The following SNX32 variants were observed in gnomAD, a reference collection of about 807,000 sequenced individuals.
The protein encoded by SNX32 is sorting nexin 32.
In SNX32, 58 loss-of-function variants were observed where a neutral mutation model predicts 57.0. The ratio of observed to expected loss-of-function variants is 1.02; its 90% CI spans 0.82 to 1.27. The LOEUF (loss-of-function observed/expected upper bound fraction) is 1.27. SNX32 is among the 50% of genes most tolerant of loss of function. The pLI, the probability that SNX32 is intolerant of heterozygous loss-of-function variation, is 0.00. For synonymous variants in SNX32, 262 were observed against 220.4 expected (o/e 1.19, Z -1.67); for missense variants, 589 against 541.2 (o/e 1.09, Z -0.88).
At position 65,852,920 on chromosome 11, in the gene SNX32, C is replaced by G; in HGVS notation, c.1120C>G (p.Leu374Val). The change falls in exon 12 of 13, where the codon CTC (leucine) becomes GTC (valine). Residue 374 changes from leucine to valine, a missense_variant. By Grantham distance (32) the Leu-to-Val change is conservative (BLOSUM62 1). Transcript: ENST00000308342. ...SRRVSSFRKN[L>V]IELAELELKH... ...CCGGGTCTCCTCTTTTCGAAAGAAT[C>G]TCATTGAGCTGGCAGAGCTGGAGCT... 6.2e-7 allele frequency: 1 copy of G among 1,614,148 alleles called. No homozygotes were observed. The highest frequency in any genetic ancestry group is 8.5e-7 in the Non-Finnish European group (1 of 1,180,008).
At position 65,851,180 on chromosome 11, in the gene SNX32, TCCTGGATCCC is replaced by T; in HGVS notation, c.709+25_709+34del. The T allele has an allele frequency of 6.2e-7, 1 of 1,604,506 alleles. No homozygotes were observed. On this transcript the variant is annotated intron_variant, in intron 7 of 12. Coordinates refer to ENST00000308342, the MANE Select transcript of SNX32 (RefSeq NM_152760.3). The stretch of plus-strand genomic sequence containing the variant: ...ACAAGTGTACGCAGGGCCCAAGGGG[TCCTGGATCCC>T]CCTGCCCCTCTCCCCAGCGGTTCAA...
In SNX32 at chr11:65,852,531, C is replaced by A; in HGVS notation, c.892C>A (p.Arg298Ser). Residue 298 changes from arginine (R) to serine (S), a missense_variant, in exon 10 of 13, where the codon CGT (arginine) becomes AGT (serine). Arg to Ser is a moderately radical substitution (Grantham distance 110). Coordinates refer to ENST00000308342, the MANE Select transcript of SNX32 (RefSeq NM_152760.3). ...GTCAGACATGCTGAGGTACTACATGCGTGACTCACAGGCAGCCAAGGTGAG... is the reference window on the plus strand; with the variant it reads ...GTCAGACATGCTGAGGTACTACATGAGTGACTCACAGGCAGCCAAGGTGAG... ...KLSDMLRYYM[R>S]DSQAAKDLLY... 1 of 1,614,232 alleles carries A rather than the reference C, an allele frequency of 6.2e-7. No individual in the cohort carries two copies.
intron 1 of SNX32, among the ~76,000 whole-genome samples, chr11:65,843,477 G>C (rs1005434353): frequency 1.3e-5 from 2 of 151,886 alleles, no homozygotes; most frequent in Admixed American, 6.6e-5. Context: ...GCTGAGGCAG[G>C]AGAATCACGA....
At chr11:65,844,324 A>G (rs1858927336) in intron 1 of SNX32, among the ~76,000 whole-genome samples, 1 of 152,168 alleles carries the variant, frequency 6.6e-6, no homozygotes, top group African/African-American at 2.4e-5. Flanking sequence ...AGTTTATCAT[A>G]CTTAATAGGT....
At position 65,852,794 on chromosome 11, in the gene SNX32, G is replaced by A; in HGVS notation, c.1072+5G>A. Reference sequence around the variant, plus strand: ...TCTCCGACTCCGCCAAGCAAGGTGAGCCCGCAGCCCCCAGCCCCAGCCTGG... The same window carrying A: ...TCTCCGACTCCGCCAAGCAAGGTGAACCCGCAGCCCCCAGCCCCAGCCTGG... On this transcript the variant is annotated splice_donor_5th_base_variant and intron_variant, in intron 11 of 12. Coordinates refer to ENST00000308342, the MANE Select transcript of SNX32 (RefSeq NM_152760.3). 6.2e-7 allele frequency: 1 copy of A among 1,610,000 alleles called. No individual in the cohort carries two copies. The highest frequency in any genetic ancestry group is 1.1e-5 in the South Asian group (1 of 90,962).
intron 2 of SNX32, 50 bp from the exon 3 acceptor site, chr11:65,849,870 G>T: frequency 6.8e-7 from 1 of 1,462,456 alleles, no homozygotes; most frequent in Non-Finnish European, 9.3e-7. Flanking sequence ...GACTTGCTGA[G>T]GCAGGGCTTG....
intron 9 of SNX32, 140 bp from the exon 10 acceptor site, chr11:65,852,324 GC>G: frequency 8.1e-6 from 6 of 739,024 alleles, no homozygotes; most frequent in Non-Finnish European, 1.4e-5. Flanking sequence ...GCCTTCCCTG[GC>G]CTGCACCCCT....
intron 1 of SNX32, among the ~76,000 whole-genome samples, chr11:65,847,565 T>C (rs1859036362): frequency 6.6e-6 from 1 of 152,168 alleles, no homozygotes; most frequent in South Asian, 2.1e-4. Context: ...ATTGGTGCTT[T>C]ACACTTAAAA....
Position 65,851,063 on chromosome 11 carries a change from T to C in SNX32, c.612T>C (p.Asp204=), listed in dbSNP as rs1307779767. The C allele has an allele frequency of 1.2e-6, 2 of 1,613,800 alleles. No individual in the cohort carries two copies. The highest frequency in any genetic ancestry group is 1.7e-6 in the Non-Finnish European group (2 of 1,179,826). The change falls in exon 7 of 13, where the codon GAT becomes GAC. Residue 204 remains aspartate (D), a synonymous_variant. Transcript: ENST00000308342. The part of the protein sequence containing the change: ...ITGMSGLKEV[D]DFFEHERTFL... Reference sequence around the variant, plus strand: ...CTGCCTGGCTCCCTTAGGAGGTGGATGACTTCTTTGAGCATGAGAGGACCT... The same window carrying C: ...CTGCCTGGCTCCCTTAGGAGGTGGACGACTTCTTTGAGCATGAGAGGACCT...
chr11:65,849,816 C>A, intron 2 of SNX32, 104 bp from the exon 3 acceptor site: 1 of 925,032 alleles, frequency 1.1e-6, no homozygotes. Context: ...TAACTTTGTC[C>A]TCCCTGGGAT....
rs755185237 is a variant in SNX32, at chr11:65,839,223, G to GTTTTTTTTTTTTTTTTTTTTTTTTTTTTT, written c.36+5123_36+5124insTTTTTTTTTTTTTTTTTTTTTTTTTTTTT. On this transcript the variant is annotated intron_variant, in intron 1 of 12. Transcript: ENST00000308342. The stretch of plus-strand genomic sequence containing the variant: ...CCCACCACGCCCAGCTAATTTTTTT[G>GTTTTTTTTTTTTTTTTTTTTTTTTTTTTT]TATTTTTTTTTTTTTTTTTTTTTTG... Among the ~76,000 whole-genome samples, 19 of 23,030 alleles carry GTTTTTTTTTTTTTTTTTTTTTTTTTTTTT rather than the reference G, an allele frequency of 8.3e-4. 5 individuals carry two copies. Among genetic ancestry groups the GTTTTTTTTTTTTTTTTTTTTTTTTTTTTT allele is most frequent in the Admixed American group, 3.8e-3 (5 of 1,310 alleles). 15.1% of individuals were successfully genotyped at this position (23,030 alleles called of 152,430 possible).
chr11:65,853,150 A>C, intron 12 of SNX32, 132 bp from the exon 13 acceptor site: 2 of 1,396,752 alleles, frequency 1.4e-6, no homozygotes, highest in South Asian at 1.2e-5. Context: ...TCTGGGTAGG[A>C]AGGCCCAATT....
intron 1 of SNX32, among the ~76,000 whole-genome samples, chr11:65,839,916 T>G (rs1295780531): frequency 1.3e-5 from 2 of 151,788 alleles, no homozygotes; most frequent in East Asian, 1.9e-4. Context: ...CCCAGCACTT[T>G]GGGAGGCCGA....
intron 1 of SNX32, chr11:65,835,413 A>G (rs1218121221): frequency 6.6e-6 from 1 of 152,144 alleles, no homozygotes; most frequent in African/African-American, 2.4e-5. Context: ...CTCCTTTCCC[A>G]AGGCGAGAGA....
chr11:65,848,553 G>A (rs1355366101), intron 1 of SNX32, among the ~76,000 whole-genome samples: 1 of 152,098 alleles, frequency 6.6e-6, no homozygotes, highest in Non-Finnish European at 1.5e-5. Context: ...CTGAGTGACA[G>A]AGCGAGACCC....
intron 5 of SNX32, 58 bp downstream of exon 5, chr11:65,850,612 G>A: frequency 6.4e-7 from 1 of 1,563,062 alleles, no homozygotes; most frequent in Non-Finnish European, 8.7e-7. Context: ...CTTGGGTGGG[G>A]AGGCACCCAG....
At chr11:65,837,710 C>T (rs1178406792) in intron 1 of SNX32, among the ~76,000 whole-genome samples, 1 of 149,314 alleles carries the variant, frequency 6.7e-6, no homozygotes, top group Non-Finnish European at 1.5e-5. Context: ...ATCCCCACTA[C>T]TCAGGAGGCT....
At chr11:65,839,515 T>C (rs1858778385) in intron 1 of SNX32, among the ~76,000 whole-genome samples, 1 of 151,254 alleles carries the variant, frequency 6.6e-6, no homozygotes, top group Admixed American at 6.6e-5. Context: ...AGGCATTTTT[T>C]TGTATTTTTA....
Position 65,852,896 on chromosome 11 carries a change from C to T in SNX32, c.1096C>T (p.Arg366Trp), listed in dbSNP as rs778130693. 6.8e-6 allele frequency: 11 copies of T among 1,614,036 alleles called. No homozygotes were observed. The highest frequency in any genetic ancestry group is 6.7e-5 in the Admixed American group (4 of 60,008). Residue 366 changes from arginine to tryptophan, a missense_variant, in exon 12 of 13, where the codon CGG becomes TGG. Coordinates refer to ENST00000308342, the MANE Select transcript of SNX32 (RefSeq NM_152760.3). ...KQELMDFKSR[R>W]VSSFRKNLIE... ...AGAGCTCATGGACTTCAAGTCCCGC[C>T]GGGTCTCCTCTTTTCGAAAGAATCT...
Sources: gnomAD v4.1 joint callset for allele counts (sites outside exome capture counted in the v4.1 genomes callset) on GRCh38, gnomAD v4.1.1 for gene constraint, MANE v1.5 for transcripts, NCBI Gene and HGNC (gene_info 2026-07-23, HGNC 2026-07-21) for gene names.